CNTNAP4: variants seen among roughly 807,000 people sequenced by gnomAD.
CNTNAP4 encodes the protein contactin associated protein family member 4, also known as contactin-associated protein-like 4.
CNTNAP4 carries 98 observed loss-of-function variants against 148.4 expected under a neutral mutation model. The ratio of observed to expected loss-of-function variants is 0.66; its 90% confidence interval spans 0.56 to 0.78. CNTNAP4 has a LOEUF of 0.78. Among genes scored for constraint, CNTNAP4 ranks in the 30% least tolerant of loss-of-function variants. CNTNAP4 has a pLI of 0.00. For missense variants in CNTNAP4, 1,935 were observed against 1,565.6 expected, an observed-to-expected ratio of 1.24 and a Z score of -3.98; for synonymous variants, 730 against 565.1, an observed-to-expected ratio of 1.29 and a Z score of -4.14.
intron 2 of CNTNAP4, among the ~76,000 whole-genome samples, chr16:76,333,444 A>T (rs1371824021): frequency 6.6e-6 from 1 of 152,084 alleles, no homozygotes; most frequent in African/African-American, 2.4e-5. Context: ...CCTTTTAATA[A>T]TTTATATCTC....
chr16:76,307,537 T>C (rs1027955395), intron 1 of CNTNAP4, among the ~76,000 whole-genome samples: 3 of 118,160 alleles, frequency 2.5e-5, no homozygotes, highest in South Asian at 2.8e-4. Context: ...TATATATATA[T>C]ATACCAAACT....
intron 3 of CNTNAP4, among the ~76,000 whole-genome samples, chr16:76,372,265 G>A (rs2014919482): frequency 1.3e-5 from 2 of 149,268 alleles, no homozygotes; most frequent in Admixed American, 1.3e-4. Context: ...TCAGCCTCCC[G>A]AGTACCTGGG....
intron 22 of CNTNAP4, 31 bp from the exon 23 acceptor site, chr16:76,553,805 A>G: frequency 6.8e-7 from 1 of 1,465,862 alleles, no homozygotes; most frequent in Non-Finnish European, 9.5e-7. Flanking sequence ...TGCCTATATC[A>G]CCTTCCCCCT....
chr16:76,458,816 T>C (rs1281559077), intron 8 of CNTNAP4, among the ~76,000 whole-genome samples: 1 of 152,156 alleles, frequency 6.6e-6, no homozygotes, highest in Non-Finnish European at 1.5e-5. Context: ...GAATGACTTA[T>C]TTTCCTCTGG....
At chr16:76,368,135 C>G (rs924373779) in intron 3 of CNTNAP4, among the ~76,000 whole-genome samples, 2 of 152,126 alleles carry the variant, frequency 1.3e-5, no homozygotes, top group Non-Finnish European at 2.9e-5. Context: ...AACATACCAG[C>G]AGGATATCCA....
intron 3 of CNTNAP4, among the ~76,000 whole-genome samples, chr16:76,384,039 G>GT (rs1555539671): frequency 6.6e-6 from 1 of 151,754 alleles, no homozygotes. Flanking sequence ...TTTGTTTTTT[G>GT]TTATTTATTT....
chr16:76,536,925 C>T (rs187416609), intron 18 of CNTNAP4, among the ~76,000 whole-genome samples: 1 of 152,244 alleles, frequency 6.6e-6, no homozygotes, highest in East Asian at 1.9e-4. Flanking sequence ...GCTAACAAAA[C>T]TTGGCTCCAG....
rs1044625613 is a variant in CNTNAP4, at chr16:76,309,866, C to T, written c.86-6547C>T. 1.3e-5 allele frequency: 9 copies of T among 701,444 alleles called. No individual in the cohort carries two copies. The African/African-American group carries it at 1.6e-4, about 12-fold the overall frequency. 43.5% of individuals were successfully genotyped at this position (701,444 alleles called of 1,614,324 possible). A position where few individuals can be genotyped will look rare whatever the true frequency, so the allele number is the denominator to read the frequency against. ...TTTGCTGCTTCCTCATTTTCTCTTG[C>T]AGCCGCCATGATTCTGAGGCCTTCC... On this transcript the variant is annotated intron_variant, in intron 1 of 23. Coordinates refer to ENST00000611870, the MANE Select transcript of CNTNAP4 (RefSeq NM_033401.5).
At chr16:76,473,609 T>C (rs556233096) in intron 10 of CNTNAP4, among the ~76,000 whole-genome samples, 22 of 152,028 alleles carry the variant, frequency 1.4e-4, no homozygotes, top group African/African-American at 5.3e-4. Context: ...CCGTCTCTAC[T>C]AAAAAATACA....
chr16:76,548,897 A>T (rs2084848825), intron 21 of CNTNAP4, among the ~76,000 whole-genome samples: 1 of 152,208 alleles, frequency 6.6e-6, no homozygotes, highest in Non-Finnish European at 1.5e-5. Flanking sequence ...ATCTGATGCT[A>T]TGTATTTCTA....
intron 1 of CNTNAP4, among the ~76,000 whole-genome samples, chr16:76,301,226 G>A (rs1344036552): frequency 6.6e-6 from 1 of 152,106 alleles, no homozygotes; most frequent in African/African-American, 2.4e-5. Flanking sequence ...TTAAGCAGCT[G>A]TCTTGAAAAA....
chr16:76,446,359 A>G (rs6564338), intron 4 of CNTNAP4, among the ~76,000 whole-genome samples: 94,442 of 152,036 alleles, frequency 0.62, 29,596 homozygotes, highest in South Asian at 0.71. Flanking sequence ...CATTTATTAC[A>G]TAAGTGCACT....
At chr16:76,411,393 T>C (rs1009961874) in intron 3 of CNTNAP4, among the ~76,000 whole-genome samples, 11 of 151,480 alleles carry the variant, frequency 7.3e-5, no homozygotes, top group South Asian at 2.1e-4. Context: ...AAATGAGGAA[T>C]AATTTACTTT....
At chr16:76,351,449 T>C (rs16944285) in intron 2 of CNTNAP4, among the ~76,000 whole-genome samples, 3,839 of 152,280 alleles carry the variant, frequency 0.025, 148 homozygotes, top group African/African-American at 0.088. Flanking sequence ...CATTTTACTA[T>C]TTAGCATTTG....
chr16:76,324,488 G>A (rs1962758286), intron 2 of CNTNAP4, among the ~76,000 whole-genome samples: 1 of 152,094 alleles, frequency 6.6e-6, no homozygotes, highest in South Asian at 2.1e-4. Context: ...GGAGAAAACA[G>A]AGCATGGGGG....
chr16:76,535,922 T>C lies in CNTNAP4; in HGVS notation c.2995+138T>C, dbSNP rs1298378478. 18 of 870,870 alleles carry C rather than the reference T, an allele frequency of 2.1e-5. No homozygotes were observed. In the Admixed American group the frequency reaches 4.7e-4, roughly 23 times the overall value. 53.9% of individuals were successfully genotyped at this position (870,870 alleles called of 1,614,324 possible). On this transcript the variant is annotated intron_variant, in intron 18 of 23. Coordinates refer to ENST00000611870, the MANE Select transcript of CNTNAP4 (RefSeq NM_033401.5). ...GCTTTGGCAAAGTATCTGTTGAATGTAAAGAATGAGTACAAGATCCTGGTG... is the reference window on the plus strand; with the variant it reads ...GCTTTGGCAAAGTATCTGTTGAATGCAAAGAATGAGTACAAGATCCTGGTG...
At chr16:76,297,680 C>T (rs1959456195) in intron 1 of CNTNAP4, among the ~76,000 whole-genome samples, 1 of 152,114 alleles carries the variant, frequency 6.6e-6, no homozygotes, top group Non-Finnish European at 1.5e-5. Context: ...AGCTCAGAAG[C>T]TTATGATAGA....
At chr16:76,406,550 C>G (rs1014121207) in intron 3 of CNTNAP4, among the ~76,000 whole-genome samples, 1 of 151,728 alleles carries the variant, frequency 6.6e-6, no homozygotes. Flanking sequence ...AGGCTTCTTG[C>G]AGCAAACATT....
chr16:76,332,322 G>A (rs1313901773), intron 2 of CNTNAP4, among the ~76,000 whole-genome samples: 1 of 152,054 alleles, frequency 6.6e-6, no homozygotes, highest in South Asian at 2.1e-4. Flanking sequence ...GTGCAGTGGT[G>A]CAATTATAAC....
Sources: allele counts gnomAD v4.1 joint callset (sites outside exome capture counted in the v4.1 genomes callset), GRCh38; gene constraint gnomAD v4.1.1; transcripts MANE v1.5; gene names NCBI Gene and HGNC (gene_info 2026-07-23, HGNC 2026-07-21).